RFX3: variants seen among roughly 807,000 people sequenced by gnomAD.
RFX3 encodes transcription factor RFX3.
Under a neutral mutation model 98.6 loss-of-function variants are expected in RFX3, and 14 were observed. That is an observed-to-expected ratio of 0.14 (90% confidence interval 0.09 to 0.22). The LOEUF (loss-of-function observed/expected upper bound fraction) is 0.22, where lower values mean the gene tolerates loss of function less well. Among genes scored for constraint, RFX3 ranks in the 10% least tolerant of loss-of-function variants. RFX3 has a pLI of 1.00. For missense variants in RFX3, 639 were observed against 926.9 expected (o/e 0.69, Z 4.03); for synonymous variants, 383 against 328.4 (o/e 1.17, Z -1.80).
chr9:3,416,559 A>T (rs927692323), intron 1 of RFX3, among the ~76,000 whole-genome samples: 1 of 152,204 alleles, frequency 6.6e-6, no homozygotes, highest in Middle Eastern at 3.2e-3. Context: ...TCCCATATGT[A>T]CACCCAATAT....
At chr9:3,237,533 TAGA>T (rs1488603053) in intron 15 of RFX3, among the ~76,000 whole-genome samples, 2 of 152,096 alleles carry the variant, frequency 1.3e-5, no homozygotes, top group African/African-American at 4.8e-5. Context: ...TAATCCAGAG[TAGA>T]AGGCAATCAA....
intron 15 of RFX3, among the ~76,000 whole-genome samples, chr9:3,238,729 G>C (rs586668): frequency 0.95 from 143,964 of 152,286 alleles, 68,545 homozygotes; most frequent in East Asian, 1. Context: ...TTCTATTAAC[G>C]TTACTTAATA....
chr9:3,377,855 C>A (rs754023485), intron 2 of RFX3, among the ~76,000 whole-genome samples: 10 of 151,944 alleles, frequency 6.6e-5, no homozygotes, highest in Non-Finnish European at 1.2e-4. Flanking sequence ...GATTTTATTG[C>A]GTGTAAATTA....
rs1374467057 is a variant in RFX3 at position 3,504,936 on chromosome 9, A to T, written c.-9+20811T>A. ...TATAATATAACATATATTATATATA[A>T]TATATATAATATAATATATATTATA... On this transcript the variant is annotated intron_variant, in intron 1 of 16. Coordinates refer to ENST00000617270, the MANE Select transcript of RFX3 (RefSeq NM_001282116.2). 6.9e-4 allele frequency among the ~76,000 whole-genome samples: 13 copies of T among 18,914 alleles called. 1 individual carries two copies. Among genetic ancestry groups the T allele is most frequent in the African/African-American group, 1.9e-3 (10 of 5,198 alleles). 12.4% of individuals were successfully genotyped at this position (18,914 alleles called of 152,430 possible).
intron 1 of RFX3, among the ~76,000 whole-genome samples, chr9:3,418,348 T>C (rs973524722): frequency 1.3e-5 from 2 of 152,212 alleles, no homozygotes; most frequent in East Asian, 1.9e-4. Flanking sequence ...CATTATTACA[T>C]AGCATTGATT....
intron 4 of RFX3, among the ~76,000 whole-genome samples, chr9:3,323,671 C>T (rs1313261751): frequency 6.6e-6 from 1 of 152,008 alleles, no homozygotes; most frequent in East Asian, 1.9e-4. Context: ...TACCCATACA[C>T]CTGTGTTCTG....
intron 1 of RFX3, among the ~76,000 whole-genome samples, chr9:3,414,708 GAGTA>G (rs1332979004): frequency 1.4e-4 from 18 of 127,688 alleles, no homozygotes; most frequent in African/African-American, 5.9e-4. Flanking sequence ...GAGTATATAT[GAGTA>G]TATATGTATA....
intron 1 of RFX3, among the ~76,000 whole-genome samples, chr9:3,513,537 T>C (rs984492482): frequency 1.3e-5 from 2 of 152,170 alleles, no homozygotes; most frequent in Non-Finnish European, 2.9e-5. Flanking sequence ...TCCCAGATAA[T>C]GTACATTTGG....
chr9:3,525,751 G>C lies in RFX3; in HGVS notation c.-13C>G. On this transcript the variant is annotated 5_prime_UTR_variant, in exon 1 of 17. Transcript: ENST00000617270. ...TAGAGACCGAAGAATATTCACCTTGGCTGTGGATTATTGTGGTGTTGTTGG... is the reference window on the plus strand; with the variant it reads ...TAGAGACCGAAGAATATTCACCTTGCCTGTGGATTATTGTGGTGTTGTTGG... 1 of 309,620 alleles carries C rather than the reference G, an allele frequency of 3.2e-6. No homozygotes were observed. Among genetic ancestry groups the C allele is most frequent in the Non-Finnish European group, 4.7e-6 (1 of 211,686 alleles). The allele number at this position is 309,620 out of a possible 1,614,324, so 19.2% of individuals were successfully genotyped here.
At chr9:3,231,496 T>C (rs1818438865) in intron 15 of RFX3, among the ~76,000 whole-genome samples, 1 of 152,196 alleles carries the variant, frequency 6.6e-6, no homozygotes, top group African/African-American at 2.4e-5. Context: ...GAAATATTCC[T>C]GTCTTCAGGA....
chr9:3,416,606 G>A (rs1157388349), intron 1 of RFX3, among the ~76,000 whole-genome samples: 1 of 152,142 alleles, frequency 6.6e-6, no homozygotes, highest in Non-Finnish European at 1.5e-5. Context: ...TGTCCCTGGT[G>A]CTGTTGAGAA....
intron 1 of RFX3, among the ~76,000 whole-genome samples, chr9:3,494,790 A>C (rs1850986773): frequency 6.6e-6 from 1 of 152,102 alleles, no homozygotes; most frequent in Admixed American, 6.5e-5. Flanking sequence ...AGATTCTCAC[A>C]TCTAGTTCTG....
rs1195115769 is a variant in RFX3, at chr9:3,395,585, G to C, written c.4C>G (p.Gln2Glu). The C allele has an allele frequency of 6.2e-7, 1 of 1,613,786 alleles. No individual in the cohort carries two copies. The highest frequency in any genetic ancestry group is 1.3e-5 in the African/African-American group (1 of 74,878). Residue 2 changes from glutamine to glutamate, a missense_variant, in exon 2 of 17, where the codon CAG (glutamine) becomes GAG (glutamate). Transcript: ENST00000617270. ...GTGTCCGACCCAGTCTCTGATGTCT[G>C]CATGATGGTCTCTGAAATAGATTAA... Reference protein sequence around the residue: MQTSETGSDTGS... With the variant: METSETGSDTGS...
intron 15 of RFX3, among the ~76,000 whole-genome samples, chr9:3,234,686 A>G (rs995740737): frequency 2.6e-5 from 4 of 152,128 alleles, no homozygotes; most frequent in Non-Finnish European, 5.9e-5. Flanking sequence ...ACCCCACCCC[A>G]AAATCAAACC....
chr9:3,319,848 T>C (rs1831047631), intron 4 of RFX3, among the ~76,000 whole-genome samples: 2 of 133,938 alleles, frequency 1.5e-5, no homozygotes, highest in South Asian at 4.4e-4. Context: ...AGAAAGTCAG[T>C]GACCGAAAAA....
intron 6 of RFX3, 131 bp from the exon 7 acceptor site, chr9:3,288,381 T>C (rs1826915411): frequency 1.4e-6 from 1 of 692,954 alleles, no homozygotes; most frequent in Admixed American, 2.5e-5. Flanking sequence ...ATATTTATGA[T>C]TAACCTGTTC....
chr9:3,242,512 C>T (rs1340778891), intron 15 of RFX3, among the ~76,000 whole-genome samples: 1 of 151,998 alleles, frequency 6.6e-6, no homozygotes, highest in Non-Finnish European at 1.5e-5. Context: ...AGTGTATTCC[C>T]TAGTCACACT....
intron 15 of RFX3, 102 bp downstream of exon 15, chr9:3,247,930 G>A (rs762274480): frequency 6.2e-7 from 1 of 1,612,614 alleles, no homozygotes; most frequent in Non-Finnish European, 8.5e-7. Context: ...GGCTGACTTG[G>A]TTAGGAACCA....
Position 3,225,158 on chromosome 9 carries a change from G to A in RFX3, c.2134C>T (p.Leu712Phe). Reference protein sequence around the residue: ...AFPVGCMQPVLETGVQPSLLN... With the variant: ...AFPVGCMQPVFETGVQPSLLN... ...AGGCTTGGTTGCACGCCAGTCTCGA[G>A]AACAGGCTGCATGCAGCCCACTGGA... is the stretch of plus-strand genomic sequence containing the variant. Residue 712 changes from leucine (L) to phenylalanine (F), a missense_variant, in exon 17 of 17, where the codon CTC (leucine) becomes TTC (phenylalanine). Physicochemically the swap from Leu to Phe is conservative, Grantham distance 22 (BLOSUM62 0). Coordinates refer to ENST00000617270, the MANE Select transcript of RFX3 (RefSeq NM_001282116.2). 6.2e-7 allele frequency: 1 copy of A among 1,613,946 alleles called. No individual in the cohort carries two copies. The highest frequency in any genetic ancestry group is 8.5e-7 in the Non-Finnish European group (1 of 1,179,940).
Sources: allele counts gnomAD v4.1 joint callset (sites outside exome capture counted in the v4.1 genomes callset), GRCh38; gene constraint gnomAD v4.1.1; transcripts MANE v1.5; gene names NCBI Gene and HGNC (gene_info 2026-07-23, HGNC 2026-07-21).